PLA2G4E: variants seen among roughly 807,000 people sequenced by gnomAD.
The protein encoded by PLA2G4E is phospholipase A2 group IVE, also known as cytosolic phospholipase A2 epsilon.
In PLA2G4E, 84 loss-of-function variants were observed where a neutral mutation model predicts 109.1. That is an observed-to-expected ratio of 0.77 (90% CI 0.65 to 0.92). PLA2G4E has a LOEUF of 0.92. Among genes scored for constraint, PLA2G4E ranks in the 40% least tolerant of loss-of-function variants. The pLI is 0.00. For missense variants in PLA2G4E, 1,057 were observed against 1,076.6 expected (o/e 0.98, Z 0.25); for synonymous variants, 469 against 436.1 (o/e 1.08, Z -0.94).
chr15:42,050,596 A>C lies in PLA2G4E; in HGVS notation c.108T>G (p.Ser36Arg), dbSNP rs766392607. 15 of 1,550,484 alleles carry C rather than the reference A, an allele frequency of 9.7e-6. 1 individual carries two copies. The South Asian group carries it at 1.7e-4, about 17-fold the overall frequency. ...CCAGGTCCTGTGTATCCTCGAACTC[A>C]CTGAAACTTCTTCCTGACCTGCTGC... Residue 36 changes from serine (S) to arginine (R), a missense_variant, in exon 1 of 20, where the codon AGT becomes AGG. Coordinates refer to ENST00000399518, the Ensembl canonical transcript of PLA2G4E.
At chr15:42,014,262 CAG>C (rs567387706) in intron 1 of PLA2G4E, among the ~76,000 whole-genome samples, 150 of 152,268 alleles carry the variant, frequency 9.9e-4, no homozygotes, top group African/African-American at 3.5e-3. Flanking sequence ...CTGGAAGCTC[CAG>C]AGAGCCTGGG....
Position 42,050,374 on chromosome 15 carries a change from G to A in PLA2G4E, c.183+147C>T, listed in dbSNP as rs906125913. On this transcript the variant is annotated intron_variant, in intron 1 of 19. Coordinates refer to ENST00000399518, the Ensembl canonical transcript of PLA2G4E. ...TAAGGACAGATAGGTGATGGCAGCA[G>A]GGTAAAGGGACTCCTCCGGAGAGAA... 9 of 931,844 alleles carry A rather than the reference G, an allele frequency of 9.7e-6. No homozygotes were observed. The African/African-American group carries it at 1.3e-4, about 14-fold the overall frequency. 57.7% of individuals were successfully genotyped at this position (931,844 alleles called of 1,614,324 possible).
At chr15:42,005,057 A>G in intron 4 of PLA2G4E, 79 bp from the exon 5 acceptor site, 7 of 1,552,158 alleles carry the variant, frequency 4.5e-6, no homozygotes, top group Non-Finnish European at 6.2e-6. Context: ...CCACCCTGGG[A>G]GCCGCTGTGG....
chr15:41,991,476 C>T (rs1329733151), intron 13 of PLA2G4E, among the ~76,000 whole-genome samples: 3 of 135,642 alleles, frequency 2.2e-5, no homozygotes, highest in Non-Finnish European at 4.7e-5. Context: ...GCCTGCTCTG[C>T]TTCATAGGGA....
chr15:42,000,099 T>C lies in PLA2G4E; in HGVS notation c.852+5A>G. On this transcript the variant is annotated splice_donor_5th_base_variant and intron_variant, in intron 8 of 19. Coordinates refer to ENST00000399518, the Ensembl canonical transcript of PLA2G4E. ...ACACCTCCCCCAGTGTCAGCCGCCTTGTACCCCACAGCTCCAGTGACTCTT... is the reference window on the plus strand; with the variant it reads ...ACACCTCCCCCAGTGTCAGCCGCCTCGTACCCCACAGCTCCAGTGACTCTT... The C allele has an allele frequency of 6.3e-7, 1 of 1,582,112 alleles. No individual in the cohort carries two copies. Among genetic ancestry groups the C allele is most frequent in the African/African-American group, 1.3e-5 (1 of 74,274 alleles).
chr15:41,997,215 G>C, exon 11 of PLA2G4E: 1 of 1,551,472 alleles, frequency 6.4e-7, no homozygotes, highest in Non-Finnish European at 8.7e-7. Context: ...CTCCAGCTCT[G>C]CTGGGCACAG....
chr15:42,029,407 C>G (rs1460247582), intron 1 of PLA2G4E, among the ~76,000 whole-genome samples: 1 of 152,100 alleles, frequency 6.6e-6, no homozygotes, highest in Non-Finnish European at 1.5e-5. Flanking sequence ...TTTTCATTCT[C>G]AAAGCACTTG....
Position 42,036,180 on chromosome 15 carries a change from G to A in PLA2G4E, c.183+14341C>T, listed in dbSNP as rs532473692. ...GGAGCGGCCGCTGCCATCACCGGCC[G>A]CAGCAGGGAGGGTGCGGGGAGGAGG... On this transcript the variant is annotated intron_variant, in intron 1 of 19. Coordinates refer to ENST00000399518, the Ensembl canonical transcript of PLA2G4E. 1.6e-4 allele frequency among the ~76,000 whole-genome samples: 24 copies of A among 152,302 alleles called. No homozygotes were observed. In the South Asian group the frequency reaches 3.3e-3, roughly 21 times the overall value.
intron 13 of PLA2G4E, 32 bp downstream of exon 13, chr15:41,992,705 A>T: frequency 6.3e-7 from 1 of 1,597,544 alleles, no homozygotes; most frequent in Non-Finnish European, 8.6e-7. Flanking sequence ...CAGCCAGGGC[A>T]GGGTGGGGCC....
chr15:42,044,018 G>T (rs1889365038), intron 1 of PLA2G4E, among the ~76,000 whole-genome samples: 1 of 152,192 alleles, frequency 6.6e-6, no homozygotes, highest in African/African-American at 2.4e-5. Flanking sequence ...GGCATGGGCT[G>T]GAGAAGTCAG....
intron 1 of PLA2G4E, among the ~76,000 whole-genome samples, chr15:42,014,291 C>T (rs543036051): frequency 1.0e-3 from 153 of 152,190 alleles, no homozygotes; most frequent in Non-Finnish European, 1.8e-3. Context: ...ACTGGTTTTT[C>T]ATCTTTGTAC....
At chr15:42,044,835 G>T (rs867150033) in intron 1 of PLA2G4E, among the ~76,000 whole-genome samples, 1 of 152,100 alleles carries the variant, frequency 6.6e-6, no homozygotes, top group Non-Finnish European at 1.5e-5. Flanking sequence ...GCTGCTGGGT[G>T]GGGACAGAAT....
intron 5 of PLA2G4E, 44 bp downstream of exon 5, chr15:42,004,894 G>A (rs2598464): frequency 0.77 from 1,228,674 of 1,601,936 alleles, 481,716 homozygotes; most frequent in Non-Finnish European, 0.82. Context: ...GAAGCTACTT[G>A]ATGGCCAGGA....
chr15:42,001,038 C>A, intron 7 of PLA2G4E, 119 bp downstream of exon 7: 4 of 1,021,710 alleles, frequency 3.9e-6, no homozygotes, highest in Non-Finnish European at 5.9e-6. Context: ...GGGTTTCAGC[C>A]GAGCTTTTGG....
chr15:42,038,187 G>A (rs1304318691), intron 1 of PLA2G4E, among the ~76,000 whole-genome samples: 3 of 152,192 alleles, frequency 2.0e-5, no homozygotes, highest in Non-Finnish European at 2.9e-5. Flanking sequence ...ATTCTGATGT[G>A]TAATATCTAA....
intron 1 of PLA2G4E, among the ~76,000 whole-genome samples, chr15:42,039,190 G>A (rs1321079791): frequency 6.6e-6 from 1 of 152,094 alleles, no homozygotes; most frequent in Non-Finnish European, 1.5e-5. Context: ...GTTATCCAAA[G>A]CTACAAGACT....
At chr15:41,983,455 C>T in exon 20 of PLA2G4E, 1 of 357,612 alleles carries the variant, frequency 2.8e-6, no homozygotes, top group Non-Finnish European at 5.0e-6. Context: ...CCAGCCTCTT[C>T]CCCAGGCTTT....
At chr15:41,993,899 A>G (rs2068291682) in intron 12 of PLA2G4E, among the ~76,000 whole-genome samples, 1 of 152,248 alleles carries the variant, frequency 6.6e-6, no homozygotes, top group Non-Finnish European at 1.5e-5. Flanking sequence ...TTTTAAAAGA[A>G]TACGACTTGT....
chr15:42,013,872 C>A (rs2068562433), intron 1 of PLA2G4E, 115 bp from the exon 2 acceptor site: 6 of 509,960 alleles, frequency 1.2e-5, no homozygotes, highest in Non-Finnish European at 2.0e-5. Context: ...TTACAACAAC[C>A]CCTAGGCTGG....
Sources: gnomAD v4.1 joint callset for allele counts (sites outside exome capture counted in the v4.1 genomes callset) on GRCh38, gnomAD v4.1.1 for gene constraint, MANE v1.5 for transcripts, NCBI Gene and HGNC (gene_info 2026-07-23, HGNC 2026-07-21) for gene names.